The following TSHR variants were observed in gnomAD, a reference collection of about 807,000 sequenced individuals.
TSHR encodes thyroid stimulating hormone receptor, also known as thyrotropin receptor.
Under a neutral mutation model 64.1 loss-of-function variants are expected in TSHR, and 51 were observed. The observed-to-expected ratio is 0.80, with a 90% CI of 0.64 to 1.01. The LOEUF (loss-of-function observed/expected upper bound fraction) is 1.01. Among genes scored for constraint, TSHR ranks in the 50% least tolerant of loss-of-function variants. TSHR has a pLI of 0.00. For missense variants in TSHR, 877 were observed against 942.8 expected (o/e 0.93, Z 0.91); for synonymous variants, 361 against 361.9 (o/e 1.00, Z 0.03).
chr14:80,974,701 A>G (rs1248117451), intron 1 of TSHR, among the ~76,000 whole-genome samples: 3 of 152,228 alleles, frequency 2.0e-5, no homozygotes, highest in African/African-American at 7.2e-5. Context: ...ACTCGTAAGA[A>G]ACTTGGCACT....
chr14:80,983,398 T>A, intron 1 of TSHR: 1 of 1,160,662 alleles, frequency 8.6e-7, no homozygotes, highest in Non-Finnish European at 1.2e-6. Context: ...TTGAAAGTAA[T>A]TTTAAATATA....
At chr14:81,127,079 CTAAA>C (rs1318497906) in intron 8 of TSHR, among the ~76,000 whole-genome samples, 33 of 152,286 alleles carry the variant, frequency 2.2e-4, no homozygotes, top group African/African-American at 7.7e-4. Context: ...TGGCAACAGG[CTAAA>C]TAATGACAGG....
chr14:81,038,716 A>T (rs1027299885), intron 1 of TSHR, among the ~76,000 whole-genome samples: 1 of 149,450 alleles, frequency 6.7e-6, no homozygotes, highest in Non-Finnish European at 1.5e-5. Flanking sequence ...CATGTACCCT[A>T]GAACTTAAAG....
chr14:81,022,106 C>CAAAAAAAAA (rs10631450), intron 1 of TSHR, among the ~76,000 whole-genome samples: 2 of 115,572 alleles, frequency 1.7e-5, no homozygotes, highest in African/African-American at 3.5e-5. Context: ...ACTAAAAATA[C>CAAAAAAAAA]AAAAAAAAAA....
At chr14:80,983,177 G>T in intron 1 of TSHR, 1 of 1,058,916 alleles carries the variant, frequency 9.4e-7, no homozygotes, top group Non-Finnish European at 1.4e-6. Context: ...CTCCTTCTGG[G>T]GATGAAAGAC....
chr14:81,132,046 T>C (rs1311959144), intron 8 of TSHR, among the ~76,000 whole-genome samples: 2 of 151,804 alleles, frequency 1.3e-5, no homozygotes, highest in Non-Finnish European at 2.9e-5. Flanking sequence ...ATAGACAAGC[T>C]CACTGTCTTG....
intron 8 of TSHR, among the ~76,000 whole-genome samples, chr14:81,130,961 G>A (rs1287224160): frequency 2.4e-5 from 2 of 82,780 alleles, no homozygotes; most frequent in African/African-American, 2.2e-4. Context: ...ACTGCAGTCC[G>A]CAGTCCGGCC....
At chr14:80,978,292 C>T (rs1181340149) in intron 1 of TSHR, among the ~76,000 whole-genome samples, 1 of 152,184 alleles carries the variant, frequency 6.6e-6, no homozygotes. Context: ...ATGGGATCCT[C>T]ATCACCAGCT....
At chr14:81,033,278 T>A in intron 1 of TSHR, 1 of 469,404 alleles carries the variant, frequency 2.1e-6, no homozygotes, top group South Asian at 1.7e-5. Flanking sequence ...CAAGAATACA[T>A]CGAAAAGCAT....
Position 80,984,019 on chromosome 14 carries a change from G to C in TSHR, c.170+28169G>C, listed in dbSNP as rs138227765. ...ATTTGAAATCTAGTTATAGAAGTAA[G>C]GCATACACACACACAAAGATAACTA... is the stretch of plus-strand genomic sequence containing the variant. On this transcript the variant is annotated intron_variant, in intron 1 of 9. Coordinates refer to ENST00000298171, the MANE Select transcript of TSHR (RefSeq NM_000369.5). Among the ~76,000 whole-genome samples, 55 of 152,194 alleles carry C rather than the reference G, an allele frequency of 3.6e-4. No individual in the cohort carries two copies. The East Asian group carries it at 0.01, about 28-fold the overall frequency.
intron 1 of TSHR, among the ~76,000 whole-genome samples, chr14:80,981,402 G>C (rs1030162001): frequency 6.6e-6 from 1 of 152,114 alleles, no homozygotes; most frequent in Non-Finnish European, 1.5e-5. Context: ...TTCAGATCAT[G>C]GGGAAAGCAG....
At chr14:81,040,587 T>C (rs1884871323) in intron 1 of TSHR, among the ~76,000 whole-genome samples, 1 of 151,980 alleles carries the variant, frequency 6.6e-6, no homozygotes, top group East Asian at 1.9e-4. Flanking sequence ...ATATACAGAA[T>C]ACAAAAGAAA....
intron 1 of TSHR, among the ~76,000 whole-genome samples, chr14:80,989,065 T>C (rs7143071): frequency 0.85 from 129,740 of 152,184 alleles, 56,053 homozygotes; most frequent in East Asian, 1. Flanking sequence ...AAAATGAACT[T>C]ACCTTTCTGT....
intron 1 of TSHR, chr14:81,033,295 TACA>T (rs1884444820): frequency 2.2e-6 from 1 of 444,746 alleles, no homozygotes; most frequent in African/African-American, 2.1e-5. Flanking sequence ...GCATAATTTG[TACA>T]GCTCCAAGAG....
At chr14:81,070,072 A>T (rs1886945860) in intron 3 of TSHR, among the ~76,000 whole-genome samples, 1 of 152,154 alleles carries the variant, frequency 6.6e-6, no homozygotes, top group Admixed American at 6.6e-5. Context: ...AGAAGACTAT[A>T]ATCAGTCTGA....
intron 7 of TSHR, chr14:81,104,346 C>G: frequency 1.0e-6 from 1 of 985,402 alleles, no homozygotes; most frequent in Non-Finnish European, 1.2e-6. Flanking sequence ...ACAACATAAT[C>G]AAGGCCCAGC....
Position 81,096,649 on chromosome 14 carries a change from A to AG in TSHR, c.556_557insG (p.Asn186ArgfsTer26). On this transcript the variant is annotated frameshift_variant, in exon 7 of 10. Coordinates refer to ENST00000298171, the MANE Select transcript of TSHR (RefSeq NM_000369.5). LOFTEE classifies it high-confidence loss of function. Reference sequence around the variant, plus strand: ...CTCTGTTGGTTGTAGGAAGCTGTACAACAATGGCTTTACTTCAGTCCAAGG... The same window carrying AG: ...CTCTGTTGGTTGTAGGAAGCTGTACAGACAATGGCTTTACTTCAGTCCAAGG... 1.9e-6 allele frequency: 3 copies of AG among 1,613,802 alleles called. No individual in the cohort carries two copies. The highest frequency in any genetic ancestry group is 2.5e-6 in the Non-Finnish European group (3 of 1,179,718).
chr14:81,076,010 T>C (rs1169482169), intron 3 of TSHR, among the ~76,000 whole-genome samples: 1 of 151,818 alleles, frequency 6.6e-6, no homozygotes, highest in Non-Finnish European at 1.5e-5. Context: ...ATGGATGAAA[T>C]TGGAAATCAT....
At chr14:81,121,840 G>A (rs1890806258) in intron 8 of TSHR, among the ~76,000 whole-genome samples, 1 of 151,266 alleles carries the variant, frequency 6.6e-6, no homozygotes, top group African/African-American at 2.4e-5. Context: ...TACTTGGGAG[G>A]CTGAGGTAGG....
Sources: allele counts gnomAD v4.1 joint callset (sites outside exome capture counted in the v4.1 genomes callset), GRCh38; gene constraint gnomAD v4.1.1; transcripts MANE v1.5; gene names NCBI Gene and HGNC (gene_info 2026-07-23, HGNC 2026-07-21).